NECTIN3: variants seen among roughly 807,000 people sequenced by gnomAD.
NECTIN3 encodes nectin cell adhesion molecule 3.
A neutral mutation model predicts 49.4 loss-of-function variants in NECTIN3; 8 were observed. The ratio of observed to expected loss-of-function variants is 0.16; its 90% CI spans 0.10 to 0.29. The LOEUF (loss-of-function observed/expected upper bound fraction) is 0.29. NECTIN3 is among the 10% of genes least tolerant of loss of function. NECTIN3 has a pLI of 1.00. For synonymous variants in NECTIN3, 277 were observed against 241.1 expected, an observed-to-expected ratio of 1.15 and a Z score of -1.38; for missense variants, 581 against 654.6, an observed-to-expected ratio of 0.89 and a Z score of 1.23.
chr3:111,106,063 A>G (rs1559781026), intron 1 of NECTIN3, among the ~76,000 whole-genome samples: 2 of 148,682 alleles, frequency 1.3e-5, no homozygotes, highest in Non-Finnish European at 3.0e-5. Flanking sequence ...CACTTAATGT[A>G]TAGGATACCC....
intron 5 of NECTIN3, among the ~76,000 whole-genome samples, chr3:111,129,954 A>ATTTT (rs547491944): frequency 6.1e-5 from 8 of 131,586 alleles, no homozygotes; most frequent in African/African-American, 2.0e-4. Flanking sequence ...CCAGCAGAGA[A>ATTTT]TTTTTTTTTT....
At position 111,119,037 on chromosome 3, in the gene NECTIN3, C is replaced by T. The variant is rs889584255; in HGVS notation, c.799+85C>T. ...TTAGTTTGAATATTTAATAGCTTTTCCTTGTTTTTGTTTTTCTTTTAATTT... is the reference window on the plus strand; with the variant it reads ...TTAGTTTGAATATTTAATAGCTTTTTCTTGTTTTTGTTTTTCTTTTAATTT... On this transcript the variant is annotated intron_variant, in intron 3 of 5. Transcript: ENST00000485303. The T allele has an allele frequency of 2.5e-6, 3 of 1,183,142 alleles. No individual in the cohort carries two copies. In the African/African-American group the frequency reaches 4.7e-5, roughly 18 times the overall value. 73.3% of individuals were successfully genotyped at this position (1,183,142 alleles called of 1,614,324 possible).
chr3:111,133,100 A>G (rs992010022), intron 5 of NECTIN3, among the ~76,000 whole-genome samples: 8 of 151,886 alleles, frequency 5.3e-5, no homozygotes, highest in Non-Finnish European at 1.0e-4. Context: ...ACAAGAGTCT[A>G]TAGTTTTTCA....
intron 2 of NECTIN3, among the ~76,000 whole-genome samples, chr3:111,115,359 T>A (rs1206890527): frequency 6.6e-6 from 1 of 152,230 alleles, no homozygotes; most frequent in East Asian, 1.9e-4. Context: ...ATAGGGAATT[T>A]GAGCTCTATA....
Position 111,137,125 on chromosome 3 carries a change from A to C in NECTIN3, c.*2910A>C. The C allele has an allele frequency of 4.1e-6, 4 of 974,774 alleles. No individual in the cohort carries two copies. Among genetic ancestry groups the C allele is most frequent in the Non-Finnish European group, 2.4e-6 (2 of 820,530 alleles). 60.4% of individuals were successfully genotyped at this position (974,774 alleles called of 1,614,324 possible). A position where few individuals can be genotyped will look rare whatever the true frequency, so the allele number is the denominator to read the frequency against. ...TAAGTACAGAAATTGAGAGAAATGT[A>C]GTCATTTTATATGTGAAAACATCTG... On this transcript the variant is annotated 3_prime_UTR_variant, in exon 6 of 6. Coordinates refer to ENST00000485303, the MANE Select transcript of NECTIN3 (RefSeq NM_015480.3).
chr3:111,161,316 CATTT>C (rs2035208156), intron 7 of NECTIN3, among the ~76,000 whole-genome samples: 1 of 152,106 alleles, frequency 6.6e-6, no homozygotes, highest in African/African-American at 2.4e-5. Context: ...CACAAAGTAC[CATTT>C]ATTTAATTTA....
At position 111,158,095 on chromosome 3, in the gene NECTIN3, G is replaced by A. The variant is rs145498897; in HGVS notation, c.1221+10611G>A. Among the ~76,000 whole-genome samples, 502 of 152,124 alleles carry A rather than the reference G, an allele frequency of 3.3e-3. 4 individuals are homozygous for A. The highest frequency in any genetic ancestry group is 1.0e-2 in the African/African-American group (414 of 41,540). ...AGAACAAGATTTTCTTCTTGAAAAT[G>A]TGAATTAAACATTGTCTTATGGTTG... On this transcript the variant is annotated intron_variant, in intron 7 of 8. Transcript: ENST00000493615.
intron 7 of NECTIN3, among the ~76,000 whole-genome samples, chr3:111,149,459 A>ATGTGTGTGTGTGTGTGTG (rs56219611): frequency 3.1e-5 from 4 of 128,328 alleles, no homozygotes; most frequent in South Asian, 2.9e-4. Context: ...TTCTGGTAGG[A>ATGTGTGTGTGTGTGTGTG]TGTGTGTGTG....
Position 111,133,805 on chromosome 3 carries a change from C to T in NECTIN3, c.1240C>T (p.Leu414Phe), listed in dbSNP as rs760373641. Residue 414 changes from leucine (L) to phenylalanine (F), a missense_variant, in exon 6 of 6, where the codon CTC (leucine) becomes TTC (phenylalanine). Physicochemically the swap from Leu to Phe is conservative, Grantham distance 22. Coordinates refer to ENST00000485303, the MANE Select transcript of NECTIN3 (RefSeq NM_015480.3). ...TIIASVVGGA[L>F]FIVLVSVLAG... ...CATTGCTAGTGTAGTGGGTGGGGCT[C>T]TCTTCATAGTACTTGTAAGTGTTTT... The T allele has an allele frequency of 6.2e-7, 1 of 1,613,932 alleles. No homozygotes were observed. The highest frequency in any genetic ancestry group is 1.3e-5 in the African/African-American group (1 of 75,016).
intron 7 of NECTIN3, among the ~76,000 whole-genome samples, chr3:111,163,386 G>A (rs2035255856): frequency 6.6e-6 from 1 of 152,174 alleles, no homozygotes. Flanking sequence ...GCAAGGTTAT[G>A]TAAACTCCAG....
intron 7 of NECTIN3, among the ~76,000 whole-genome samples, chr3:111,158,470 A>G (rs964373315): frequency 6.6e-6 from 1 of 152,074 alleles, no homozygotes; most frequent in East Asian, 1.9e-4. Flanking sequence ...AACCTTTCAA[A>G]TGCCTTATTA....
intron 1 of NECTIN3, among the ~76,000 whole-genome samples, chr3:111,086,871 A>G (rs73852399): frequency 0.033 from 4,976 of 152,116 alleles, 95 homozygotes; most frequent in Middle Eastern, 0.058. Context: ...TGTTTTATCT[A>G]TTTATTGAGG....
intron 2 of NECTIN3, among the ~76,000 whole-genome samples, chr3:111,116,242 A>G (rs2033686299): frequency 6.6e-6 from 1 of 152,182 alleles, no homozygotes; most frequent in Non-Finnish European, 1.5e-5. Context: ...GAGTAATATC[A>G]TATCAAGAAA....
At chr3:111,104,763 C>T (rs1443643717) in intron 1 of NECTIN3, among the ~76,000 whole-genome samples, 1 of 151,998 alleles carries the variant, frequency 6.6e-6, no homozygotes, top group Non-Finnish European at 1.5e-5. Context: ...TTTTAAGTGT[C>T]GAAGAGCAGA....
rs1168710380 is a variant in NECTIN3 at position 111,146,291 on chromosome 3, G to A, written c.1140-1112G>A. On this transcript the variant is annotated intron_variant, in intron 6 of 8. Coordinates refer to the NECTIN3 transcript ENST00000493615. ...CTACTAAAAATACAAAAAATTAGCC[G>A]GGCGTAGTGGCGGGCGCCTGTAGTC... Among the ~76,000 whole-genome samples the A allele has an allele frequency of 7.3e-5, 11 of 151,690 alleles. 1 individual carries two copies. In the East Asian group the frequency reaches 1.6e-3, roughly 21 times the overall value.
intron 5 of NECTIN3, among the ~76,000 whole-genome samples, chr3:111,129,198 C>T (rs1319177053): frequency 7.2e-6 from 1 of 139,410 alleles, no homozygotes; most frequent in Non-Finnish European, 1.5e-5. Context: ...TTCACCTTCA[C>T]CTTTTTCAAT....
chr3:111,189,376 A>C (rs1334742199), upstream of NECTIN3, among the ~76,000 whole-genome samples: 1 of 152,216 alleles, frequency 6.6e-6, no homozygotes. Flanking sequence ...AAATGTATTT[A>C]GGTTTTATTA....
At chr3:111,150,098 G>A (rs1023329102) in intron 7 of NECTIN3, among the ~76,000 whole-genome samples, 2 of 151,978 alleles carry the variant, frequency 1.3e-5, no homozygotes, top group African/African-American at 4.8e-5. Context: ...AGAATATTCT[G>A]TGTTTCAGCT....
At chr3:111,082,903 T>A (rs746596689) in intron 1 of NECTIN3, among the ~76,000 whole-genome samples, 8 of 152,164 alleles carry the variant, frequency 5.3e-5, no homozygotes, top group Non-Finnish European at 7.4e-5. Context: ...ATTAGATTCT[T>A]GTAAGGAGTG....
Sources: gnomAD v4.1 joint callset for allele counts (sites outside exome capture counted in the v4.1 genomes callset) on GRCh38, gnomAD v4.1.1 for gene constraint, MANE v1.5 for transcripts, NCBI Gene and HGNC (gene_info 2026-07-23, HGNC 2026-07-21) for gene names.